Variants in CPEB3 observed in about 807,000 individuals in gnomAD.
The protein encoded by CPEB3 is cytoplasmic polyadenylation element-binding protein 3.
Under a neutral mutation model 67.2 loss-of-function variants are expected in CPEB3, and 20 were observed. That is an observed-to-expected ratio of 0.30 (90% CI 0.21 to 0.43). CPEB3 has a LOEUF of 0.43. CPEB3 is among the 20% of genes least tolerant of loss of function. The probability of loss-of-function intolerance (pLI) is 1.00; values close to 1 mark genes in which losing one functional copy is unlikely to be tolerated. For missense variants in CPEB3, 746 were observed against 968.6 expected (o/e 0.77, Z 3.05); for synonymous variants, 376 against 393.1 (o/e 0.96, Z 0.51).
At chr10:92,244,379 C>T (rs1851972612) in intron 1 of CPEB3, among the ~76,000 whole-genome samples, 1 of 151,704 alleles carries the variant, frequency 6.6e-6, no homozygotes, top group Non-Finnish European at 1.5e-5. Context: ...AACAATTGTA[C>T]ATGTTTAGTG....
chr10:92,211,061 CAATA>C (rs1484344773), intron 2 of CPEB3, among the ~76,000 whole-genome samples: 2 of 152,012 alleles, frequency 1.3e-5, no homozygotes, highest in Non-Finnish European at 2.9e-5. Flanking sequence ...AAAAATAAAT[CAATA>C]AATAAAAGCT....
intron 1 of CPEB3, among the ~76,000 whole-genome samples, chr10:92,269,033 A>G (rs757784465): frequency 1.8e-4 from 28 of 152,178 alleles, no homozygotes; most frequent in Non-Finnish European, 3.7e-4. Flanking sequence ...TGGAACTGGA[A>G]TGATCCCTCA....
intron 8 of CPEB3, among the ~76,000 whole-genome samples, chr10:92,086,215 C>A (rs1041212289): frequency 2.0e-5 from 3 of 152,146 alleles, no homozygotes; most frequent in Non-Finnish European, 2.9e-5. Context: ...AGGCATAGGG[C>A]ACCTTAAGAT....
At chr10:92,285,764 C>T (rs539279552) in intron 1 of CPEB3, among the ~76,000 whole-genome samples, 1 of 152,242 alleles carries the variant, frequency 6.6e-6, no homozygotes, top group South Asian at 2.1e-4. Flanking sequence ...ACTCCTCTTG[C>T]TACAAAGTAG....
intron 1 of CPEB3, among the ~76,000 whole-genome samples, chr10:92,264,030 T>C (rs1399086992): frequency 1.3e-5 from 2 of 152,014 alleles, no homozygotes; most frequent in Non-Finnish European, 2.9e-5. Context: ...TAAGGAAACT[T>C]AGAAATAATC....
rs1449064368 is a variant in CPEB3, at chr10:92,196,457, G to A, written c.1006-3821C>T. ...CACTTTGAACATGCTTCTAAGCCTT[G>A]GTTATCTTCATCTATAAAATGGGAT... On this transcript the variant is annotated intron_variant, in intron 2 of 9. Transcript: ENST00000265997. Among the ~76,000 whole-genome samples, 3 of 152,052 alleles carry A rather than the reference G, an allele frequency of 2.0e-5. No homozygotes were observed. In the South Asian group the frequency reaches 6.2e-4, roughly 32 times the overall value.
At chr10:92,206,391 T>G (rs1381327083) in intron 2 of CPEB3, among the ~76,000 whole-genome samples, 1 of 152,102 alleles carries the variant, frequency 6.6e-6, no homozygotes, top group Non-Finnish European at 1.5e-5. Context: ...TCTTAATATA[T>G]TCTGGTGATA....
chr10:92,239,968 G>A lies in CPEB3; in HGVS notation c.383C>T (p.Thr128Ile). 1 of 1,613,234 alleles carries A rather than the reference G, an allele frequency of 6.2e-7. No homozygotes were observed. The highest frequency in any genetic ancestry group is 8.5e-7 in the Non-Finnish European group (1 of 1,179,602). Residue 128 changes from threonine to isoleucine, a missense_variant, in exon 2 of 10, where the codon ACC becomes ATC. Physicochemically the swap from Thr to Ile is moderately conservative, Grantham distance 89. This residue lies in a region of CPEB3 where 643 missense variants were observed against 717.5 expected (regional missense o/e 0.90). Transcript: ENST00000265997. The surrounding 1 kb of genome is among the most constrained non-coding windows in gnomAD (Gnocchi z 6.0). ...GAAGAGCATGGTCCCGTTGACTGGGGTGATCCCCTGGAAGAAGCTGTCCTC... is the reference window on the plus strand; with the variant it reads ...GAAGAGCATGGTCCCGTTGACTGGGATGATCCCCTGGAAGAAGCTGTCCTC... ...AVEDSFFQGITPVNGTMLFQN... is the reference protein window; with the variant it reads ...AVEDSFFQGIIPVNGTMLFQN...
chr10:92,261,597 A>G (rs144222891), intron 1 of CPEB3, among the ~76,000 whole-genome samples: 1,735 of 152,136 alleles, frequency 0.011, 31 homozygotes, highest in African/African-American at 0.039. Context: ...ACAGGCGCCC[A>G]CCACAATGTC....
At chr10:92,133,308 T>C (rs888948367) in intron 6 of CPEB3, among the ~76,000 whole-genome samples, 1 of 151,948 alleles carries the variant, frequency 6.6e-6, no homozygotes, top group Non-Finnish European at 1.5e-5. Context: ...AAGAATCAAA[T>C]AGACGCAATA....
chr10:92,289,931 G>T (rs961930518), intron 1 of CPEB3, among the ~76,000 whole-genome samples: 4 of 126,842 alleles, frequency 3.2e-5, no homozygotes, highest in African/African-American at 3.4e-5. Flanking sequence ...TGTGTGGTGG[G>T]GGGGGGTGGG....
At chr10:92,245,639 C>T (rs768789035) in intron 1 of CPEB3, among the ~76,000 whole-genome samples, 26 of 152,192 alleles carry the variant, frequency 1.7e-4, no homozygotes, top group Non-Finnish European at 3.5e-4. Context: ...GTGCTGTGGT[C>T]ACTATTTGGA....
chr10:92,224,848 CT>C (rs1362445382), intron 2 of CPEB3, among the ~76,000 whole-genome samples: 3 of 143,540 alleles, frequency 2.1e-5, no homozygotes, highest in Non-Finnish European at 4.5e-5. Flanking sequence ...CACCTGACTT[CT>C]TAAAAAAAAC....
At chr10:92,095,614 A>G (rs1843832560) in intron 7 of CPEB3, among the ~76,000 whole-genome samples, 1 of 97,860 alleles carries the variant, frequency 1.0e-5, no homozygotes, top group Non-Finnish European at 2.0e-5. Flanking sequence ...TTTTTTTTTC[A>G]TTGTGTATAT....
chr10:92,233,897 A>G (rs1211276985), intron 2 of CPEB3, among the ~76,000 whole-genome samples: 2 of 152,164 alleles, frequency 1.3e-5, no homozygotes, highest in African/African-American at 2.4e-5. Context: ...ATCCAAAGTC[A>G]GGAGTTCAGG....
At chr10:92,058,596 T>TAC (rs3046637) in intron 9 of CPEB3, among the ~76,000 whole-genome samples, 11,341 of 99,762 alleles carry the variant, frequency 0.11, 548 homozygotes, top group Middle Eastern at 0.21. Flanking sequence ...TACATACATA[T>TAC]ATATATATAT....
chr10:92,120,109 A>AAAAAAAAAACAAGC (rs1845277693), intron 6 of CPEB3, among the ~76,000 whole-genome samples: 1 of 145,806 alleles, frequency 6.9e-6, no homozygotes, highest in Admixed American at 6.8e-5. Context: ...AAAAAAAAAA[A>AAAAAAAAAACAAGC]AAAAAAAACC....
At chr10:92,135,707 C>T (rs1846058311) in intron 6 of CPEB3, among the ~76,000 whole-genome samples, 1 of 152,046 alleles carries the variant, frequency 6.6e-6, no homozygotes, top group African/African-American at 2.4e-5. Context: ...AAGACACATG[C>T]ATACGTATGT....
At chr10:92,077,293 C>T (rs1842972501) in intron 9 of CPEB3, among the ~76,000 whole-genome samples, 1 of 152,046 alleles carries the variant, frequency 6.6e-6, no homozygotes, top group African/African-American at 2.4e-5. Flanking sequence ...TTAACAGAAG[C>T]TCAAAATGCC....
Sources: gnomAD v4.1 joint callset for allele counts (sites outside exome capture counted in the v4.1 genomes callset) on GRCh38, gnomAD v4.1.1 for gene constraint, gnomAD v4.1.1 regional missense constraint, Gnocchi (gnomAD v3.1) non-coding constraint, MANE v1.5 for transcripts, NCBI Gene and HGNC (gene_info 2026-07-23, HGNC 2026-07-21) for gene names.